CRTC3: variants seen among roughly 807,000 people sequenced by gnomAD.
The protein encoded by CRTC3 is CREB regulated transcription coactivator 3, also known as CREB-regulated transcription coactivator 3.
In CRTC3, 26 loss-of-function variants were observed where a neutral mutation model predicts 74.5. That is an observed-to-expected ratio of 0.35 (90% CI 0.26 to 0.48). The LOEUF is 0.48. Among genes scored for constraint, CRTC3 ranks in the 20% least tolerant of loss-of-function variants. The probability of loss-of-function intolerance (pLI) is 0.99; values close to 1 mark genes in which losing one functional copy is unlikely to be tolerated. For synonymous variants in CRTC3, 377 were observed against 325.8 expected, an observed-to-expected ratio of 1.16 and a Z score of -1.69; for missense variants, 760 against 787.3, an observed-to-expected ratio of 0.97 and a Z score of 0.41.
chr15:90,533,785 A>G (rs143119782), intron 1 of CRTC3, among the ~76,000 whole-genome samples: 48 of 152,316 alleles, frequency 3.2e-4, no homozygotes, highest in Non-Finnish European at 5.6e-4. Flanking sequence ...AAACAGAAGT[A>G]GGTGGAGCTC....
At chr15:90,598,632 G>A in intron 3 of CRTC3, 5 of 658,828 alleles carry the variant, frequency 7.6e-6, no homozygotes, top group Non-Finnish European at 1.4e-5. Flanking sequence ...ATAAGAAGAG[G>A]AACAGATTAA....
chr15:90,541,790 C>CTT (rs5814437), intron 2 of CRTC3, among the ~76,000 whole-genome samples: 1 of 133,038 alleles, frequency 7.5e-6, no homozygotes, highest in Non-Finnish European at 1.5e-5. Context: ...TTCTTTTTTT[C>CTT]TTTTTTTTTT....
At chr15:90,597,527 T>C (rs1252156601) in intron 3 of CRTC3, among the ~76,000 whole-genome samples, 1 of 152,214 alleles carries the variant, frequency 6.6e-6, no homozygotes, top group African/African-American at 2.4e-5. Flanking sequence ...TGTTAGGACA[T>C]TGGTTTATAG....
intron 2 of CRTC3, among the ~76,000 whole-genome samples, chr15:90,586,748 C>T (rs1967674623): frequency 6.6e-6 from 1 of 152,204 alleles, no homozygotes; most frequent in Admixed American, 6.5e-5. Flanking sequence ...TTGGAAATTA[C>T]ATTTCTCCTG....
At chr15:90,622,627 G>A (rs1322937054) in intron 9 of CRTC3, among the ~76,000 whole-genome samples, 4 of 152,134 alleles carry the variant, frequency 2.6e-5, no homozygotes, top group African/African-American at 9.7e-5. Flanking sequence ...GAGGCAGGCC[G>A]ATCACTTGAG....
chr15:90,631,512 G>C lies in CRTC3; in HGVS notation c.1266+1980G>C, dbSNP rs76604587. On this transcript the variant is annotated intron_variant, in intron 11 of 14. Transcript: ENST00000268184. The stretch of plus-strand genomic sequence containing the variant: ...GGAGTCCAAGGCAGACGGATCACTT[G>C]AGGGTAGGAGTTTGAGTCCAGCCTG... 3.4e-4 allele frequency among the ~76,000 whole-genome samples: 52 copies of C among 152,204 alleles called. No homozygotes were observed. In the East Asian group the frequency reaches 9.5e-3, roughly 28 times the overall value.
intron 1 of CRTC3, among the ~76,000 whole-genome samples, chr15:90,538,275 TG>T (rs1400328289): frequency 1.3e-5 from 2 of 152,210 alleles, no homozygotes; most frequent in East Asian, 3.9e-4. Context: ...ACTTTTAGAA[TG>T]TTAAGATTGA....
intron 2 of CRTC3, among the ~76,000 whole-genome samples, chr15:90,568,372 A>G (rs968468815): frequency 6.6e-6 from 1 of 151,518 alleles, no homozygotes; most frequent in African/African-American, 2.4e-5. Flanking sequence ...TTTTTTTTTT[A>G]AATAGTCTCG....
At chr15:90,554,530 A>G (rs1966873398) in intron 2 of CRTC3, among the ~76,000 whole-genome samples, 1 of 152,050 alleles carries the variant, frequency 6.6e-6, no homozygotes, top group Non-Finnish European at 1.5e-5. Context: ...AATTGTTCCT[A>G]TTGCTCCTGC....
intron 6 of CRTC3, among the ~76,000 whole-genome samples, chr15:90,612,504 A>C (rs1031694719): frequency 1.3e-5 from 2 of 152,046 alleles, no homozygotes. Context: ...GCAGTTTCAC[A>C]TGGTAGCCCT....
At chr15:90,564,904 ACCTTCCTTCCTTCCTTCCTTCCTT>A (rs71154112) in intron 2 of CRTC3, among the ~76,000 whole-genome samples, 2,447 of 146,470 alleles carry the variant, frequency 0.017, 66 homozygotes, top group East Asian at 0.12. Context: ...AATTTAACCA[ACCTTCCTTCCTTCCTTCCTTCCTT>A]CCTTCCTTCC....
At chr15:90,574,272 A>C (rs987613582) in intron 2 of CRTC3, among the ~76,000 whole-genome samples, 1 of 152,102 alleles carries the variant, frequency 6.6e-6, no homozygotes, top group Non-Finnish European at 1.5e-5. Flanking sequence ...AGGTCAAGAG[A>C]TCGAGAGCAT....
In CRTC3 at chr15:90,629,274, G is replaced by A. The variant is rs145349033; in HGVS notation, c.1008G>A (p.Thr336=). ...GGAGTAACCCCTCCATCCAAGCCAC[G>A]CTCAATAAGACTGTGCTTTCCTCTT... The part of the protein sequence containing the change: ...SSRSNPSIQA[T]LNKTVLSSSL... Residue 336 remains threonine (T), a synonymous_variant, in exon 11 of 15, where the codon ACG becomes ACA. Transcript: ENST00000268184. 5 of 1,614,062 alleles carry A rather than the reference G, an allele frequency of 3.1e-6. No individual in the cohort carries two copies. The highest frequency in any genetic ancestry group is 2.2e-5 in the East Asian group (1 of 44,882).
chr15:90,538,298 CT>C (rs1966751198), intron 1 of CRTC3, among the ~76,000 whole-genome samples: 1 of 147,978 alleles, frequency 6.8e-6, no homozygotes, highest in Non-Finnish European at 1.5e-5. Flanking sequence ...AGCTGAGAGA[CT>C]TTATTCCTAT....
chr15:90,567,090 A>T (rs1967140188), intron 2 of CRTC3, among the ~76,000 whole-genome samples: 1 of 152,120 alleles, frequency 6.6e-6, no homozygotes, highest in East Asian at 1.9e-4. Flanking sequence ...TCAAAGCTCC[A>T]AAGGACACTT....
intron 1 of CRTC3, 78 bp from the exon 2 acceptor site, chr15:90,539,961 C>T: frequency 2.0e-6 from 2 of 995,328 alleles, no homozygotes; most frequent in East Asian, 4.8e-5. Flanking sequence ...AACCGTTCCC[C>T]TACAAAATAC....
At chr15:90,624,751 G>A (rs531773833) in intron 9 of CRTC3, among the ~76,000 whole-genome samples, 2 of 152,296 alleles carry the variant, frequency 1.3e-5, no homozygotes, top group East Asian at 1.9e-4. Context: ...CCAAAACAAG[G>A]TCCTCTCAGA....
intron 2 of CRTC3, among the ~76,000 whole-genome samples, chr15:90,551,166 A>G (rs1966855426): frequency 6.6e-6 from 1 of 152,176 alleles, no homozygotes; most frequent in Non-Finnish European, 1.5e-5. Context: ...AGTGATGATA[A>G]TGACGGTTAC....
At chr15:90,634,093 C>A (rs947348723) in intron 11 of CRTC3, among the ~76,000 whole-genome samples, 1 of 148,026 alleles carries the variant, frequency 6.8e-6, no homozygotes, top group Admixed American at 7.0e-5. Context: ...TCCTCCTATA[C>A]CCATCATTTA....
Sources: allele counts gnomAD v4.1 joint callset (sites outside exome capture counted in the v4.1 genomes callset), GRCh38; gene constraint gnomAD v4.1.1; transcripts MANE v1.5; gene names NCBI Gene and HGNC (gene_info 2026-07-23, HGNC 2026-07-21).